Variants in BIRC6 observed in about 807,000 individuals in gnomAD.
BIRC6 encodes the protein baculoviral IAP repeat containing 6, also known as dual E2 ubiquitin-conjugating enzyme/E3 ubiquitin-protein ligase BIRC6.
Under a neutral mutation model 503.3 loss-of-function variants are expected in BIRC6, and 98 were observed. That is an observed-to-expected ratio of 0.19 (90% CI 0.17 to 0.23). BIRC6 has a LOEUF of 0.23. Among genes scored for constraint, BIRC6 ranks in the 10% least tolerant of loss-of-function variants. The probability of loss-of-function intolerance (pLI) is 1.00; values close to 1 mark genes in which losing one functional copy is unlikely to be tolerated. For missense variants in BIRC6, 5,360 were observed against 5,806.0 expected, an observed-to-expected ratio of 0.92 and a Z score of 2.50; for synonymous variants, 2,240 against 2,078.7, an observed-to-expected ratio of 1.08 and a Z score of -2.11.
intron 73 of BIRC6, among the ~76,000 whole-genome samples, chr2:32,612,455 A>C (rs2062943700): frequency 2.0e-5 from 3 of 151,996 alleles, no homozygotes; most frequent in Admixed American, 2.0e-4. Flanking sequence ...ATCCTCCACC[A>C]ATATCCTCCC....
At chr2:32,488,846 T>C in intron 42 of BIRC6, 132 bp downstream of exon 42, 1 of 631,228 alleles carries the variant, frequency 1.6e-6, no homozygotes, top group Non-Finnish European at 2.5e-6. Flanking sequence ...GAATACCTTT[T>C]TAAAAAGATG....
At chr2:32,597,380 T>C (rs923937422) in intron 68 of BIRC6, among the ~76,000 whole-genome samples, 5 of 152,184 alleles carry the variant, frequency 3.3e-5, no homozygotes, top group Non-Finnish European at 5.9e-5. Flanking sequence ...CAAGTAGCCA[T>C]TGTCTTTGAT....
At chr2:32,616,560 C>CAA (rs201587938) in intron 73 of BIRC6, among the ~76,000 whole-genome samples, 1,479 of 98,764 alleles carry the variant, frequency 0.015, 24 homozygotes, top group Non-Finnish European at 0.019. Context: ...ACCTTGTTCT[C>CAA]AAAAAAAAAA....
Position 32,432,504 on chromosome 2 carries a change from C to T in BIRC6, c.3249-1140C>T, listed in dbSNP as rs551230588. The stretch of plus-strand genomic sequence containing the variant: ...AGGCATGGTGGCTCACATCTGTAAT[C>T]CTAGCATTTTGGGAGACTGACGCAG... On this transcript the variant is annotated intron_variant, in intron 12 of 73. Coordinates refer to ENST00000421745, the MANE Select transcript of BIRC6 (RefSeq NM_016252.4). Among the ~76,000 whole-genome samples the T allele has an allele frequency of 1.1e-4, 16 of 152,160 alleles. 1 individual carries two copies. The South Asian group carries it at 2.9e-3, about 28-fold the overall frequency.
intron 15 of BIRC6, among the ~76,000 whole-genome samples, chr2:32,438,188 T>C (rs74615331): frequency 0.022 from 3,375 of 152,336 alleles, 112 homozygotes; most frequent in African/African-American, 0.078. Flanking sequence ...TTTTTTTCCA[T>C]AAAATTCTCC....
intron 29 of BIRC6, 46 bp downstream of exon 29, chr2:32,468,829 T>A: frequency 7.2e-7 from 1 of 1,390,944 alleles, no homozygotes; most frequent in African/African-American, 1.4e-5. Context: ...ATATACTTGA[T>A]GTGATTTCGC....
intron 57 of BIRC6, 183 bp downstream of exon 57, chr2:32,519,129 T>G (rs986669825): frequency 1.7e-6 from 1 of 571,562 alleles, no homozygotes; most frequent in Non-Finnish European, 2.9e-6. Flanking sequence ...TAAAATACTT[T>G]TAGGCACCCC....
chr2:32,491,594 A>G (rs371331712), intron 44 of BIRC6, 36 bp downstream of exon 44: 16 of 1,596,032 alleles, frequency 1.0e-5, no homozygotes, highest in African/African-American at 1.3e-5. Context: ...TGCCCAGACT[A>G]TTCAATAAAC....
chr2:32,588,208 A>T (rs1455464599), intron 66 of BIRC6, among the ~76,000 whole-genome samples: 1 of 152,088 alleles, frequency 6.6e-6, no homozygotes, highest in East Asian at 1.9e-4. Flanking sequence ...ACAAAAATCT[A>T]GCCAGGCGTG....
At chr2:32,459,744 T>G (rs2047628528) in intron 23 of BIRC6, among the ~76,000 whole-genome samples, 1 of 152,062 alleles carries the variant, frequency 6.6e-6, no homozygotes, top group Non-Finnish European at 1.5e-5. Flanking sequence ...CTTTGATTTC[T>G]CTTGGTTATG....
chr2:32,563,876 C>T (rs1185136796), intron 65 of BIRC6: 1 of 151,984 alleles, frequency 6.6e-6, no homozygotes, highest in South Asian at 2.1e-4. Context: ...GTCAGGAGTT[C>T]GAGACCAGCC....
chr2:32,613,582 T>C (rs762480292), intron 73 of BIRC6, among the ~76,000 whole-genome samples: 1 of 152,030 alleles, frequency 6.6e-6, no homozygotes, highest in Non-Finnish European at 1.5e-5. Context: ...GGTTTCACCA[T>C]GTTGGCCAGG....
intron 50 of BIRC6, 80 bp downstream of exon 50, chr2:32,505,285 C>G: frequency 1.7e-6 from 2 of 1,174,770 alleles, no homozygotes; most frequent in Admixed American, 4.1e-5. Context: ...GTTTAGTAAG[C>G]GGAAATACAC....
At position 32,515,822 on chromosome 2, in the gene BIRC6, G is replaced by T. The variant is rs2054971909; in HGVS notation, c.11349+52G>T. ...TAGTTGTTTTATTACATAAGAAAGGGCCATGTATAAAGGCCAGGTAATAAT... is the reference window on the plus strand; with the variant it reads ...TAGTTGTTTTATTACATAAGAAAGGTCCATGTATAAAGGCCAGGTAATAAT... On this transcript the variant is annotated intron_variant, in intron 55 of 73. Transcript: ENST00000421745. 2.7e-6 allele frequency: 4 copies of T among 1,483,742 alleles called. No homozygotes were observed. In the Admixed American group the frequency reaches 6.6e-5, roughly 25 times the overall value. 91.9% of individuals were successfully genotyped at this position (1,483,742 alleles called of 1,614,324 possible). A position where few individuals can be genotyped will look rare whatever the true frequency, so the allele number is the denominator to read the frequency against.
At chr2:32,611,618 T>C in intron 73 of BIRC6, 36 bp downstream of exon 73, 1 of 1,503,932 alleles carries the variant, frequency 6.6e-7, no homozygotes. Context: ...CTTGTTGCTT[T>C]AAGAGTTGTG....
Position 32,599,775 on chromosome 2 carries a change from A to C in BIRC6, c.13867A>C (p.Asn4623His), listed in dbSNP as rs1258560032. 2 of 1,613,798 alleles carry C rather than the reference A, an allele frequency of 1.2e-6. No individual in the cohort carries two copies. The highest frequency in any genetic ancestry group is 1.7e-6 in the Non-Finnish European group (2 of 1,179,824). ...ITGPADTPYA[N>H]GCFEFDVYFP... is the part of the protein sequence containing the mutation. ...TGGTCCAGCGGACACCCCTTATGCA[A>C]ATGGCTGCTTTGAGTTTGATGTGTA... The change falls in exon 70 of 74, where the codon AAT (asparagine) becomes CAT (histidine). Residue 4623 changes from asparagine to histidine, a missense_variant. Asn to His is a moderately conservative substitution (Grantham distance 68). Coordinates refer to ENST00000421745, the MANE Select transcript of BIRC6 (RefSeq NM_016252.4).
chr2:32,554,227 T>C (rs888929143), intron 65 of BIRC6, among the ~76,000 whole-genome samples: 8 of 152,234 alleles, frequency 5.3e-5, no homozygotes, highest in African/African-American at 1.7e-4. Flanking sequence ...TGGGGTATGC[T>C]ACAAATTCTT....
In BIRC6 at chr2:32,573,151, C is replaced by A. The variant is rs112712589; in HGVS notation, c.13145-2005C>A. On this transcript the variant is annotated intron_variant, in intron 65 of 73. Coordinates refer to ENST00000421745, the MANE Select transcript of BIRC6 (RefSeq NM_016252.4). ...GATGGTAGAGATTTTTGTTTGTTTTCTTTACTGCTTATTCCCAGCCTGTCC... is the reference window on the plus strand; with the variant it reads ...GATGGTAGAGATTTTTGTTTGTTTTATTTACTGCTTATTCCCAGCCTGTCC... Among the ~76,000 whole-genome samples, 1,437 of 152,184 alleles carry A rather than the reference C, an allele frequency of 9.4e-3. 20 individuals carry two copies. Among genetic ancestry groups the A allele is most frequent in the Admixed American group, 0.014 (218 of 15,284 alleles).
At chr2:32,504,653 C>T (rs1365346315) in intron 49 of BIRC6, among the ~76,000 whole-genome samples, 1 of 151,130 alleles carries the variant, frequency 6.6e-6, no homozygotes, top group Non-Finnish European at 1.5e-5. Context: ...GGCGACAGAG[C>T]GAGACTCCAT....
Sources: gnomAD v4.1 joint callset for allele counts (sites outside exome capture counted in the v4.1 genomes callset) on GRCh38, gnomAD v4.1.1 for gene constraint, MANE v1.5 for transcripts, NCBI Gene and HGNC (gene_info 2026-07-23, HGNC 2026-07-21) for gene names.